The following CEP192 variants were observed in gnomAD, a reference collection of about 807,000 sequenced individuals.
CEP192 encodes centrosomal protein 192, also known as centrosomal protein of 192 kDa.
In CEP192, 151 loss-of-function variants were observed where a neutral mutation model predicts 271.8. The observed-to-expected ratio is 0.56, with a 90% CI of 0.49 to 0.64. The LOEUF is 0.64. CEP192 is among the 30% of genes least tolerant of loss of function. CEP192 has a pLI of 0.00. For missense variants in CEP192, 2,910 were observed against 3,020.5 expected (o/e 0.96, Z 0.86); for synonymous variants, 995 against 1,076.5 (o/e 0.92, Z 1.48).
chr18:13,069,020 C>A, intron 25 of CEP192, 29 bp downstream of exon 25: 1 of 1,614,158 alleles, frequency 6.2e-7, no homozygotes, highest in South Asian at 1.1e-5. Flanking sequence ...TCTGCCGTTA[C>A]TGCTTTCATT....
rs1445820510 is a variant in CEP192, at chr18:13,087,000, A to G, written c.5617-17A>G. On this transcript the variant is annotated splice_polypyrimidine_tract_variant and intron_variant, in intron 30 of 44. Transcript: ENST00000506447. Reference sequence around the variant, plus strand: ...GCTTAACATTAAAATAATTTTGGATATGTATATCTTTTTTAGATACCTTTG... The same window carrying G: ...GCTTAACATTAAAATAATTTTGGATGTGTATATCTTTTTTAGATACCTTTG... The G allele has an allele frequency of 2.6e-6, 4 of 1,557,552 alleles. No homozygotes were observed. The highest frequency in any genetic ancestry group is 2.7e-5 in the African/African-American group (2 of 73,078).
At chr18:13,091,250 A>G (rs568378765) in intron 33 of CEP192, among the ~76,000 whole-genome samples, 2 of 152,308 alleles carry the variant, frequency 1.3e-5, no homozygotes, top group Admixed American at 1.3e-4. Flanking sequence ...AAGTACACAT[A>G]TTGTATTAAG....
At position 13,049,753 on chromosome 18, in the gene CEP192, C is replaced by T. The variant is rs1218315589; in HGVS notation, c.2891-12C>T. 1.1e-5 allele frequency: 17 copies of T among 1,607,512 alleles called. No homozygotes were observed. Among genetic ancestry groups the T allele is most frequent in the Non-Finnish European group, 1.4e-5 (16 of 1,177,868 alleles). On this transcript the variant is annotated splice_polypyrimidine_tract_variant and intron_variant, in intron 16 of 44. Transcript: ENST00000506447. ...TTTTCTCTTCTTACTGGAAAATACCCCTTTCTGATAGATTTGAAAAATACC... is the reference window on the plus strand; with the variant it reads ...TTTTCTCTTCTTACTGGAAAATACCTCTTTCTGATAGATTTGAAAAATACC...
intron 14 of CEP192, among the ~76,000 whole-genome samples, chr18:13,041,853 A>G (rs2036227326): frequency 6.6e-6 from 1 of 152,198 alleles, no homozygotes; most frequent in South Asian, 2.1e-4. Flanking sequence ...GGCATGAGCC[A>G]CCGCACCCGA....
chr18:13,099,455 T>C, intron 36 of CEP192, 21 bp from the exon 37 acceptor site: 1 of 1,243,170 alleles, frequency 8.0e-7, no homozygotes, highest in Non-Finnish European at 1.2e-6. Flanking sequence ...TTTTTAATTT[T>C]CTTATTAATT....
At chr18:13,075,213 C>A (rs779405666) in intron 30 of CEP192, among the ~76,000 whole-genome samples, 3 of 152,114 alleles carry the variant, frequency 2.0e-5, no homozygotes, top group African/African-American at 7.2e-5. Flanking sequence ...TTCTGCCATG[C>A]GAGGACACAG....
intron 21 of CEP192, among the ~76,000 whole-genome samples, chr18:13,067,528 G>T (rs1299990714): frequency 1.3e-5 from 2 of 152,082 alleles, no homozygotes; most frequent in African/African-American, 4.8e-5. Flanking sequence ...TCTAATAATA[G>T]AACCCATTGA....
chr18:13,001,451 G>C lies in CEP192; in HGVS notation c.165-6G>C, dbSNP rs771920309. 45 of 1,524,334 alleles carry C rather than the reference G, an allele frequency of 3.0e-5. 3 individuals are homozygous for C. In the South Asian group the frequency reaches 5.5e-4, roughly 19 times the overall value. The allele number at this position is 1,524,334 out of a possible 1,614,324, so 94.4% of individuals were successfully genotyped here. On this transcript the variant is annotated splice_polypyrimidine_tract_variant and splice_region_variant and intron_variant, in intron 2 of 44. Coordinates refer to ENST00000506447, the MANE Select transcript of CEP192 (RefSeq NM_032142.4). ...TTAACAATTAAAACAAATTTTTTTT[G>C]TATAGGTATCCTGATATCCAGGCAT...
intron 9 of CEP192, among the ~76,000 whole-genome samples, chr18:13,022,780 C>T (rs868467707): frequency 5.9e-5 from 9 of 152,288 alleles, no homozygotes; most frequent in Middle Eastern, 3.4e-3. Flanking sequence ...TTGGGAAGAA[C>T]TGACATTTTG....
intron 44 of CEP192, among the ~76,000 whole-genome samples, chr18:13,119,377 A>T (rs1269767509): frequency 6.6e-6 from 1 of 152,202 alleles, no homozygotes; most frequent in African/African-American, 2.4e-5. Context: ...TTCTGTTCAA[A>T]CTGGCATACA....
At chr18:13,101,902 A>C (rs1207066871) in intron 38 of CEP192, among the ~76,000 whole-genome samples, 7 of 151,940 alleles carry the variant, frequency 4.6e-5, no homozygotes, top group Non-Finnish European at 1.0e-4. Context: ...GTCTGTCCTT[A>C]TAGTTGCTGT....
intron 30 of CEP192, among the ~76,000 whole-genome samples, chr18:13,079,838 T>C (rs2038494027): frequency 6.6e-6 from 1 of 152,230 alleles, no homozygotes; most frequent in Admixed American, 6.5e-5. Flanking sequence ...GGGATCCAGT[T>C]TCAGCTTTCT....
At chr18:13,101,849 G>A (rs922859789) in intron 38 of CEP192, among the ~76,000 whole-genome samples, 10 of 152,136 alleles carry the variant, frequency 6.6e-5, no homozygotes, top group African/African-American at 2.2e-4. Context: ...CTCTCTCCCA[G>A]CCCGCCCATG....
At chr18:13,001,648 T>G in intron 3 of CEP192, 66 bp downstream of exon 3, 1 of 1,383,024 alleles carries the variant, frequency 7.2e-7, no homozygotes, top group Non-Finnish European at 9.6e-7. Context: ...TTGTGGAAAA[T>G]GACAATGTGA....
At chr18:13,094,256 C>T (rs2039284163) in intron 34 of CEP192, among the ~76,000 whole-genome samples, 1 of 152,196 alleles carries the variant, frequency 6.6e-6, no homozygotes, top group African/African-American at 2.4e-5. Context: ...TCATGATTAT[C>T]TTGTTCCTCA....
chr18:13,054,557 G>A (rs963680800), intron 18 of CEP192, among the ~76,000 whole-genome samples: 14 of 152,180 alleles, frequency 9.2e-5, no homozygotes, highest in African/African-American at 3.1e-4. Flanking sequence ...GCTGGGTTAT[G>A]GTGTCAGATA....
rs573145358 is a variant in CEP192, at chr18:13,073,081, A to T, written c.5512A>T (p.Ile1838Phe). ...GATCAGAATTCACCCAAAGGAAGAC[A>T]TTTTCATCTCTGTATTATTTGCACC... ...CEIRIHPKED[I>F]FISVLFAPTR... Residue 1838 changes from isoleucine to phenylalanine, a missense_variant, in exon 30 of 45, where the codon ATT (isoleucine) becomes TTT (phenylalanine). By Grantham distance (21) the Ile-to-Phe change is conservative. Coordinates refer to ENST00000506447, the MANE Select transcript of CEP192 (RefSeq NM_032142.4). 6.2e-7 allele frequency: 1 copy of T among 1,613,840 alleles called. No homozygotes were observed. The highest frequency in any genetic ancestry group is 1.7e-5 in the Admixed American group (1 of 59,946).
rs142767003 is a variant in CEP192 at position 13,001,411 on chromosome 18, T to A, written c.165-46T>A. 1,083 of 1,336,246 alleles carry A rather than the reference T, an allele frequency of 8.1e-4. 12 individuals are homozygous for A. In the African/African-American group the frequency reaches 0.014, roughly 17 times the overall value. 82.8% of individuals were successfully genotyped at this position (1,336,246 alleles called of 1,614,324 possible). A position where few individuals can be genotyped will look rare whatever the true frequency, so the allele number is the denominator to read the frequency against. ...CCTATGTCATGATGACATTTAAATATGTGTAATTTAATTCTTAACAATTAA... is the reference window on the plus strand; with the variant it reads ...CCTATGTCATGATGACATTTAAATAAGTGTAATTTAATTCTTAACAATTAA... On this transcript the variant is annotated intron_variant, in intron 2 of 44. Coordinates refer to ENST00000506447, the MANE Select transcript of CEP192 (RefSeq NM_032142.4).
chr18:13,015,921 T>G (rs962092504), intron 6 of CEP192, among the ~76,000 whole-genome samples: 1 of 152,102 alleles, frequency 6.6e-6, no homozygotes, highest in Admixed American at 6.5e-5. Context: ...AATTTTTGGA[T>G]TTTTAGTAGA....
Sources: gnomAD v4.1 joint callset for allele counts (sites outside exome capture counted in the v4.1 genomes callset) on GRCh38, gnomAD v4.1.1 for gene constraint, MANE v1.5 for transcripts, NCBI Gene and HGNC (gene_info 2026-07-23, HGNC 2026-07-21) for gene names.